The following LRIG3 variants were observed in gnomAD, a reference collection of about 807,000 sequenced individuals.
LRIG3 encodes the protein leucine rich repeats and immunoglobulin like domains 3.
A neutral mutation model predicts 114.5 loss-of-function variants in LRIG3; 76 were observed. That is an observed-to-expected ratio of 0.66 (90% CI 0.55 to 0.80). The LOEUF (loss-of-function observed/expected upper bound fraction) is 0.80, where lower values mean the gene tolerates loss of function less well. Ranked by LOEUF, LRIG3 falls within the 30% of genes least tolerant of loss-of-function variation. LRIG3 has a pLI of 0.00. For synonymous variants in LRIG3, 512 were observed against 519.8 expected (o/e 0.98, Z 0.20); for missense variants, 1,239 against 1,382.8 (o/e 0.90, Z 1.65).
intron 3 of LRIG3, among the ~76,000 whole-genome samples, chr12:58,906,459 C>T (rs1248334470): frequency 1.3e-5 from 2 of 152,050 alleles, no homozygotes; most frequent in Admixed American, 6.5e-5. Flanking sequence ...AAACTCTGTG[C>T]CATGTACTCA....
intron 5 of LRIG3, among the ~76,000 whole-genome samples, chr12:58,889,704 G>A (rs975366217): frequency 1.8e-4 from 27 of 151,962 alleles, no homozygotes; most frequent in Admixed American, 1.2e-3. Context: ...TTGAGACCTC[G>A]GATTTTTTCA....
rs529110976 is a variant in LRIG3, at chr12:58,907,924, A to G, written c.383+6058T>C. Reference sequence around the variant, plus strand: ...GGACCCTGGAAGGAGATGTGTGACCATGTCATTAGAGACTACACATGCTGT... The same window carrying G: ...GGACCCTGGAAGGAGATGTGTGACCGTGTCATTAGAGACTACACATGCTGT... On this transcript the variant is annotated intron_variant, in intron 3 of 18. Coordinates refer to ENST00000320743, the MANE Select transcript of LRIG3 (RefSeq NM_153377.5). Among the ~76,000 whole-genome samples the G allele has an allele frequency of 3.5e-4, 53 of 152,272 alleles. 1 individual carries two copies. The South Asian group carries it at 9.3e-3, about 27-fold the overall frequency.
At position 58,884,381 on chromosome 12, in the gene LRIG3, T is replaced by G. The variant is rs187675594; in HGVS notation, c.1245-790A>C. On this transcript the variant is annotated intron_variant, in intron 10 of 18. Transcript: ENST00000320743. ...CACAGTATACAAAGGGAATATTGAGTGAGACAAGTGGGAAGAGAAGACAAA... is the reference window on the plus strand; with the variant it reads ...CACAGTATACAAAGGGAATATTGAGGGAGACAAGTGGGAAGAGAAGACAAA... Among the ~76,000 whole-genome samples, 873 of 152,064 alleles carry G rather than the reference T, an allele frequency of 5.7e-3. 11 individuals carry two copies. Among genetic ancestry groups the G allele is most frequent in the African/African-American group, 0.019 (797 of 41,442 alleles).
rs979412228 is a variant in LRIG3, at chr12:58,914,268, T to G, written c.305A>C (p.Glu102Ala). 3 of 1,613,882 alleles carry G rather than the reference T, an allele frequency of 1.9e-6. No homozygotes were observed. In the African/African-American group the frequency reaches 4.0e-5, roughly 22 times the overall value. Residue 102 changes from glutamate (E) to alanine (A), a missense_variant, in exon 2 of 19, where the codon GAA becomes GCA. Coordinates refer to ENST00000320743, the MANE Select transcript of LRIG3 (RefSeq NM_153377.5). The part of the protein sequence containing the change: ...SSMSHLQSLR[E>A]VKLNNNELET... ...AAACAAAATAACGAAGACTCACACT[T>G]CTCGAAGGCTTTGAAGGTGGCTCAT...
intron 3 of LRIG3, among the ~76,000 whole-genome samples, chr12:58,901,935 A>C (rs11172811): frequency 6.6e-6 from 1 of 152,152 alleles, no homozygotes; most frequent in African/African-American, 2.4e-5. Flanking sequence ...AGAGAAAAAT[A>C]TCTCTTCTGA....
At chr12:58,875,369 C>T (rs961180902) in intron 16 of LRIG3, among the ~76,000 whole-genome samples, 6 of 152,212 alleles carry the variant, frequency 3.9e-5, no homozygotes, top group South Asian at 2.1e-4. Flanking sequence ...TGTAACTCTA[C>T]GCTCTTTATT....
Position 58,875,973 on chromosome 12 carries a change from AC to A in LRIG3, c.2695+471del, listed in dbSNP as rs1870901701. ...AGGCTGAGGCAGGAGAATCGTTTGA[AC>A]CCAGCAGGTGGAGGCTGCAGTGAGC... On this transcript the variant is annotated intron_variant, in intron 16 of 18. Coordinates refer to ENST00000320743, the MANE Select transcript of LRIG3 (RefSeq NM_153377.5). Among the ~76,000 whole-genome samples, 3 of 152,188 alleles carry A rather than the reference AC, an allele frequency of 2.0e-5. No homozygotes were observed. The South Asian group carries it at 6.2e-4, about 32-fold the overall frequency.
chr12:58,898,960 C>T (rs1871743945), intron 3 of LRIG3, among the ~76,000 whole-genome samples: 1 of 152,158 alleles, frequency 6.6e-6, no homozygotes. Flanking sequence ...CCCAGCCTCT[C>T]TTAGGATTTT....
chr12:58,899,476 C>T (rs1013433818), intron 3 of LRIG3, among the ~76,000 whole-genome samples: 4 of 151,940 alleles, frequency 2.6e-5, no homozygotes, highest in African/African-American at 9.7e-5. Flanking sequence ...CAACTTTCTC[C>T]CAACATTTTT....
At chr12:58,906,210 A>G (rs941643821) in intron 3 of LRIG3, among the ~76,000 whole-genome samples, 2 of 152,176 alleles carry the variant, frequency 1.3e-5, no homozygotes, top group Non-Finnish European at 2.9e-5. Context: ...CTGCTCCTCA[A>G]CTTCCATAAT....
At position 58,883,038 on chromosome 12, in the gene LRIG3, G is replaced by C; in HGVS notation, c.1317-6C>G. 1 of 1,604,078 alleles carries C rather than the reference G, an allele frequency of 6.2e-7. No individual in the cohort carries two copies. The highest frequency in any genetic ancestry group is 8.5e-7 in the Non-Finnish European group (1 of 1,174,582). ...GGCTTGATGTATTTAAATGCCTGAGGAGAGTAATTACATTCAATTTGTTCT... is the reference window on the plus strand; with the variant it reads ...GGCTTGATGTATTTAAATGCCTGAGCAGAGTAATTACATTCAATTTGTTCT... On this transcript the variant is annotated splice_polypyrimidine_tract_variant and splice_region_variant and intron_variant, in intron 11 of 18. Transcript: ENST00000320743.
chr12:58,872,403 A>T lies in LRIG3; in HGVS notation c.*169T>A. 1 of 572,214 alleles carries T rather than the reference A, an allele frequency of 1.7e-6. No homozygotes were observed. The highest frequency in any genetic ancestry group is 2.7e-6 in the Non-Finnish European group (1 of 371,782). The allele number at this position is 572,214 out of a possible 1,614,324, so 35.4% of individuals were successfully genotyped here. A position where few individuals can be genotyped will look rare whatever the true frequency, so the allele number is the denominator to read the frequency against. On this transcript the variant is annotated 3_prime_UTR_variant, in exon 19 of 19. Coordinates refer to ENST00000320743, the MANE Select transcript of LRIG3 (RefSeq NM_153377.5). The stretch of plus-strand genomic sequence containing the variant: ...GTATTCTTATATGAGCATCATTCCC[A>T]GTATAAAAATTTTCATAACTTTTTG...
In LRIG3 at chr12:58,914,066, C is replaced by CT; in HGVS notation, c.309-11_309-10insA. ...ATTGTTGTTCAGTTTCCTACAAATG[C>CT]CAAAAAAAAAAAGAAAAAGAAAAGC... On this transcript the variant is annotated splice_polypyrimidine_tract_variant and intron_variant, in intron 2 of 18. Transcript: ENST00000320743. 1.9e-6 allele frequency: 3 copies of CT among 1,576,794 alleles called. No homozygotes were observed. Among genetic ancestry groups the CT allele is most frequent in the Non-Finnish European group, 2.6e-6 (3 of 1,170,206 alleles).
chr12:58,876,510 C>T lies in LRIG3; in HGVS notation c.2630G>A (p.Gly877Glu), dbSNP rs1870922294. Reference sequence around the variant, plus strand: ...AGATGTGACAAACTGGTGGTGGCTTCCACTTTCTGAAGACACGTACCCATC... The same window carrying T: ...AGATGTGACAAACTGGTGGTGGCTTTCACTTTCTGAAGACACGTACCCATC... ...RQDGYVSSES[G>E]SHHQFVTSSG... is the part of the protein sequence containing the mutation. Residue 877 changes from glycine (G) to glutamate (E), a missense_variant, in exon 16 of 19, where the codon GGA becomes GAA. Gly to Glu is a moderately conservative substitution (Grantham distance 98, BLOSUM62 -2). Transcript: ENST00000320743. The T allele has an allele frequency of 1.2e-6, 2 of 1,614,150 alleles. No individual in the cohort carries two copies. The highest frequency in any genetic ancestry group is 4.5e-5 in the East Asian group (2 of 44,872).
At chr12:58,919,007 TA>T (rs1286593974) in intron 1 of LRIG3, among the ~76,000 whole-genome samples, 1 of 152,228 alleles carries the variant, frequency 6.6e-6, no homozygotes, top group Non-Finnish European at 1.5e-5. Flanking sequence ...TTTAAAAACT[TA>T]AAATTTTCAT....
chr12:58,900,937 G>C (rs1333221193), intron 3 of LRIG3, among the ~76,000 whole-genome samples: 1 of 152,180 alleles, frequency 6.6e-6, no homozygotes. Flanking sequence ...TTAACCTTTA[G>C]GGAAGCAGCT....
intron 3 of LRIG3, among the ~76,000 whole-genome samples, chr12:58,903,362 G>A (rs1871938965): frequency 6.6e-6 from 1 of 152,198 alleles, no homozygotes; most frequent in Non-Finnish European, 1.5e-5. Context: ...CTGCATAAAT[G>A]TCTTCTTTTG....
rs1592312615 is a variant in LRIG3, at chr12:58,914,062, A to G, written c.309-6T>C. The G allele has an allele frequency of 8.2e-6, 13 of 1,594,804 alleles. No individual in the cohort carries two copies. The highest frequency in any genetic ancestry group is 9.4e-6 in the Non-Finnish European group (11 of 1,176,214). ...ATTCATTGTTGTTCAGTTTCCTACA[A>G]ATGCCAAAAAAAAAAAGAAAAAGAA... On this transcript the variant is annotated splice_region_variant and splice_polypyrimidine_tract_variant and intron_variant, in intron 2 of 18. Transcript: ENST00000320743.
At chr12:58,894,603 C>T (rs370115340) in intron 3 of LRIG3, among the ~76,000 whole-genome samples, 2 of 151,788 alleles carry the variant, frequency 1.3e-5, no homozygotes, top group East Asian at 3.9e-4. Context: ...TTCAACTCAA[C>T]CCCACCTTTC....
Sources: allele counts gnomAD v4.1 joint callset (sites outside exome capture counted in the v4.1 genomes callset), GRCh38; gene constraint gnomAD v4.1.1; transcripts MANE v1.5; gene names NCBI Gene and HGNC (gene_info 2026-07-23, HGNC 2026-07-21).